The following FER variants were observed in gnomAD, a reference collection of about 807,000 sequenced individuals.
FER encodes the protein FER tyrosine kinase.
A neutral mutation model predicts 111.0 loss-of-function variants in FER; 63 were observed. The observed-to-expected ratio is 0.57, with a 90% CI of 0.46 to 0.70. FER has a LOEUF of 0.70. Ranked by LOEUF, FER falls within the 30% of genes least tolerant of loss-of-function variation. The pLI is 0.00. For synonymous variants in FER, 327 were observed against 313.9 expected (o/e 1.04, Z -0.44); for missense variants, 914 against 954.0 (o/e 0.96, Z 0.55).
At chr5:108,750,931 G>A (rs1750424138) in intron 1 of FER, among the ~76,000 whole-genome samples, 2 of 152,234 alleles carry the variant, frequency 1.3e-5, no homozygotes, top group Admixed American at 1.3e-4. Flanking sequence ...GGTGGCTCAT[G>A]CCTGTAATCC....
intron 13 of FER, among the ~76,000 whole-genome samples, chr5:109,022,709 G>A (rs1359451975): frequency 6.6e-6 from 1 of 152,084 alleles, no homozygotes; most frequent in Non-Finnish European, 1.5e-5. Flanking sequence ...TCAAGACCTG[G>A]AACATGAACT....
chr5:109,146,473 T>C (rs79279256), intron 17 of FER, among the ~76,000 whole-genome samples: 16,887 of 150,930 alleles, frequency 0.11, 935 homozygotes, highest in Non-Finnish European at 0.12. Flanking sequence ...ACTAATCTTT[T>C]ACATGCTTCT....
chr5:108,781,061 G>A (rs539619035), intron 2 of FER, among the ~76,000 whole-genome samples: 1 of 152,100 alleles, frequency 6.6e-6, no homozygotes. Flanking sequence ...CTTATATGCA[G>A]TCTATTTTAT....
At chr5:108,934,051 C>A (rs978384459) in intron 10 of FER, among the ~76,000 whole-genome samples, 6 of 151,936 alleles carry the variant, frequency 3.9e-5, no homozygotes, top group African/African-American at 1.5e-4. Flanking sequence ...GTTTGAATAC[C>A]CTTTATTTCT....
At chr5:108,775,743 G>A (rs1190809848) in intron 2 of FER, among the ~76,000 whole-genome samples, 1 of 152,088 alleles carries the variant, frequency 6.6e-6, no homozygotes, top group African/African-American at 2.4e-5. Context: ...CATAGGAGGA[G>A]TTTTAAATAT....
rs1756258529 is a variant in FER at position 108,798,219 on chromosome 5, G to A, written c.37G>A (p.Ala13Thr). The A allele has an allele frequency of 6.2e-7, 1 of 1,614,054 alleles. No individual in the cohort carries two copies. The highest frequency in any genetic ancestry group is 1.3e-5 in the African/African-American group (1 of 75,008). ...FGSDLKNSHE[A>T]VLKLQDWELR... Reference sequence around the variant, plus strand: ...GAGTGACCTGAAGAATTCACATGAAGCAGTGTTAAAATTGCAAGACTGGGA... The same window carrying A: ...GAGTGACCTGAAGAATTCACATGAAACAGTGTTAAAATTGCAAGACTGGGA... The change falls in exon 3 of 20, where the codon GCA becomes ACA. Residue 13 changes from alanine to threonine, a missense_variant. By Grantham distance (58) the Ala-to-Thr change is moderately conservative (BLOSUM62 0). Transcript: ENST00000281092.
chr5:108,862,340 T>G (rs1418704339), intron 5 of FER, among the ~76,000 whole-genome samples: 2 of 152,146 alleles, frequency 1.3e-5, no homozygotes, highest in East Asian at 3.8e-4. Context: ...CATAAAATCT[T>G]ACTGAGTTGA....
At chr5:108,849,622 C>T (rs1357725074) in intron 5 of FER, among the ~76,000 whole-genome samples, 1 of 152,040 alleles carries the variant, frequency 6.6e-6, no homozygotes, top group African/African-American at 2.4e-5. Context: ...GTTTTGAAAT[C>T]CTTGTCACCC....
At chr5:108,777,537 T>C (rs904559347) in intron 2 of FER, among the ~76,000 whole-genome samples, 7 of 152,212 alleles carry the variant, frequency 4.6e-5, no homozygotes, top group African/African-American at 1.7e-4. Context: ...TATAGCATCA[T>C]AGAGGGTAGT....
intron 3 of FER, among the ~76,000 whole-genome samples, chr5:108,831,383 T>C (rs1760029010): frequency 6.6e-6 from 1 of 152,180 alleles, no homozygotes; most frequent in African/African-American, 2.4e-5. Flanking sequence ...CCATTTAGTT[T>C]ATGTTTTTAA....
chr5:109,058,785 T>G (rs1157616422), intron 16 of FER, among the ~76,000 whole-genome samples: 1 of 134,494 alleles, frequency 7.4e-6, no homozygotes, highest in East Asian at 2.2e-4. Flanking sequence ...CAGCCGGGAG[T>G]GCAACTGTGC....
chr5:108,765,872 C>T (rs960168059), intron 1 of FER, among the ~76,000 whole-genome samples: 2 of 151,656 alleles, frequency 1.3e-5, no homozygotes, highest in African/African-American at 4.8e-5. Flanking sequence ...CTGAACTATA[C>T]CCTGGGGATT....
intron 3 of FER, among the ~76,000 whole-genome samples, chr5:108,813,463 A>G (rs1757969325): frequency 6.6e-6 from 1 of 152,088 alleles, no homozygotes; most frequent in Non-Finnish European, 1.5e-5. Flanking sequence ...TATTTTAAAT[A>G]ATTGTTTTTT....
intron 1 of FER, among the ~76,000 whole-genome samples, chr5:108,750,545 G>A (rs1026310018): frequency 6.6e-6 from 1 of 152,172 alleles, no homozygotes; most frequent in African/African-American, 2.4e-5. Flanking sequence ...TTTCTCTTCT[G>A]CATTGATTGT....
chr5:108,990,442 T>C (rs1293968077), intron 13 of FER, among the ~76,000 whole-genome samples: 1 of 151,878 alleles, frequency 6.6e-6, no homozygotes. Context: ...GTATCTCTAT[T>C]GGTGTATGCA....
chr5:109,170,722 TC>T (rs1291563140), intron 17 of FER, among the ~76,000 whole-genome samples: 1 of 152,166 alleles, frequency 6.6e-6, no homozygotes, highest in African/African-American at 2.4e-5. Flanking sequence ...AGAGGATACT[TC>T]CATTGCTATA....
intron 5 of FER, among the ~76,000 whole-genome samples, chr5:108,854,098 G>A (rs1292800380): frequency 6.6e-6 from 1 of 152,148 alleles, no homozygotes; most frequent in Non-Finnish European, 1.5e-5. Flanking sequence ...AGTTAGTGCT[G>A]ACTTGTTTCA....
At position 109,110,627 on chromosome 5, in the gene FER, G is replaced by A. The variant is rs372157133; in HGVS notation, c.2048+10108G>A. Among the ~76,000 whole-genome samples, 30 of 152,080 alleles carry A rather than the reference G, an allele frequency of 2.0e-4. No individual in the cohort carries two copies. In the East Asian group the frequency reaches 5.6e-3, roughly 28 times the overall value. On this transcript the variant is annotated intron_variant, in intron 17 of 19. Coordinates refer to ENST00000281092, the MANE Select transcript of FER (RefSeq NM_005246.4). ...GTTCCAGGTTTATGAAGAATCAGTG[G>A]AATTCTTTTTTATATATTTTTTAAT...
At chr5:108,885,077 G>A (rs1018476612) in intron 9 of FER, among the ~76,000 whole-genome samples, 2 of 151,902 alleles carry the variant, frequency 1.3e-5, no homozygotes, top group African/African-American at 4.8e-5. Flanking sequence ...GCCCTAGGCT[G>A]TCTCACTCCT....
Sources: gnomAD v4.1 joint callset for allele counts (sites outside exome capture counted in the v4.1 genomes callset) on GRCh38, gnomAD v4.1.1 for gene constraint, MANE v1.5 for transcripts, NCBI Gene and HGNC (gene_info 2026-07-23, HGNC 2026-07-21) for gene names.